DLG2: variants seen among roughly 807,000 people sequenced by gnomAD.
The protein encoded by DLG2 is disks large homolog 2.
A neutral mutation model predicts 132.5 loss-of-function variants in DLG2; 45 were observed. That is an observed-to-expected ratio of 0.34 (90% CI 0.27 to 0.44). The LOEUF is 0.44. DLG2 is among the 20% of genes least tolerant of loss of function. The pLI, the probability that DLG2 is intolerant of heterozygous loss-of-function variation, is 1.00. For synonymous variants in DLG2, 424 were observed against 419.6 expected (o/e 1.01, Z -0.13); for missense variants, 1,045 against 1,196.9 (o/e 0.87, Z 1.87).
intron 8 of DLG2, among the ~76,000 whole-genome samples, chr11:84,168,826 TACACACAC>T (rs145846743): frequency 6.8e-6 from 1 of 147,994 alleles, no homozygotes. Flanking sequence ...CACACACACA[TACACACAC>T]ACACACACAC....
At chr11:84,848,106 C>T (rs909493643) in intron 6 of DLG2, among the ~76,000 whole-genome samples, 3 of 152,066 alleles carry the variant, frequency 2.0e-5, no homozygotes, top group Admixed American at 6.6e-5. Context: ...AGAACTATTC[C>T]CGGAGAGCAC....
chr11:85,068,899 C>T (rs1243862338), intron 6 of DLG2, among the ~76,000 whole-genome samples: 1 of 152,144 alleles, frequency 6.6e-6, no homozygotes, highest in Non-Finnish European at 1.5e-5. Flanking sequence ...TGACTTCAAA[C>T]TATACTACAA....
intron 18 of DLG2, chr11:83,693,221 C>G (rs902609312): frequency 6.6e-6 from 1 of 152,138 alleles, no homozygotes; most frequent in Non-Finnish European, 1.5e-5. Flanking sequence ...AATAAATTCA[C>G]TGTAGATTGG....
chr11:83,725,395 A>G (rs540134143), intron 18 of DLG2: 1 of 154,174 alleles, frequency 6.5e-6, no homozygotes, highest in Non-Finnish European at 1.4e-5. Context: ...TTCACAGCGT[A>G]GTGTTAATTC....
At chr11:83,533,457 C>A (rs890339065) in intron 20 of DLG2, among the ~76,000 whole-genome samples, 1 of 152,160 alleles carries the variant, frequency 6.6e-6, no homozygotes, top group African/African-American at 2.4e-5. Context: ...GTGGTGTAAA[C>A]AAACACAGAA....
chr11:83,675,132 A>G (rs1470322521), intron 18 of DLG2, among the ~76,000 whole-genome samples: 1 of 152,262 alleles, frequency 6.6e-6, no homozygotes, highest in Non-Finnish European at 1.5e-5. Context: ...ACTATTACCA[A>G]GCCCATTAAG....
At chr11:84,786,432 A>C (rs139013196) in intron 6 of DLG2, among the ~76,000 whole-genome samples, 15 of 152,210 alleles carry the variant, frequency 9.9e-5, no homozygotes, top group African/African-American at 3.6e-4. Flanking sequence ...AAAATTATCA[A>C]TTCCAAGCTA....
chr11:83,766,247 C>T (rs974588489), intron 18 of DLG2, among the ~76,000 whole-genome samples: 1 of 151,980 alleles, frequency 6.6e-6, no homozygotes, highest in African/African-American at 2.4e-5. Flanking sequence ...GCACGTGCCA[C>T]CACACCTGGC....
chr11:84,179,935 A>T (rs188286812), intron 8 of DLG2, among the ~76,000 whole-genome samples: 2 of 152,104 alleles, frequency 1.3e-5, no homozygotes, highest in African/African-American at 4.8e-5. Context: ...TTCCTCCCCA[A>T]TACCTTGCCA....
At chr11:84,051,080 T>C (rs1222772700) in intron 11 of DLG2, among the ~76,000 whole-genome samples, 2 of 152,022 alleles carry the variant, frequency 1.3e-5, no homozygotes, top group South Asian at 2.1e-4. Context: ...TGAGATACCA[T>C]CTCACACCAC....
At chr11:85,484,998 T>C (rs1171360321) in intron 3 of DLG2, among the ~76,000 whole-genome samples, 2 of 152,222 alleles carry the variant, frequency 1.3e-5, no homozygotes, top group Non-Finnish European at 2.9e-5. Context: ...GTGGCACACA[T>C]ACACCATGGA....
intron 6 of DLG2, among the ~76,000 whole-genome samples, chr11:84,694,340 G>A (rs972133919): frequency 2.6e-5 from 4 of 151,664 alleles, no homozygotes; most frequent in Non-Finnish European, 4.4e-5. Flanking sequence ...GCACTTGAAC[G>A]AATCAGTTTT....
At chr11:84,397,855 G>A (rs1047043853) in intron 7 of DLG2, among the ~76,000 whole-genome samples, 1 of 152,156 alleles carries the variant, frequency 6.6e-6, no homozygotes, top group African/African-American at 2.4e-5. Flanking sequence ...TTCCTAGATT[G>A]TGTAAGTTGT....
intron 6 of DLG2, among the ~76,000 whole-genome samples, chr11:84,539,947 G>T (rs558209440): frequency 9.7e-4 from 148 of 152,204 alleles, no homozygotes; most frequent in African/African-American, 3.4e-3. Flanking sequence ...GGGAAAGGAT[G>T]CCCTATTTAA....
At chr11:83,718,827 G>T (rs1447476949) in intron 18 of DLG2, among the ~76,000 whole-genome samples, 1 of 152,116 alleles carries the variant, frequency 6.6e-6, no homozygotes, top group African/African-American at 2.4e-5. Flanking sequence ...GGAGCAACTG[G>T]GTTCTAATAC....
At chr11:85,517,025 C>A (rs927417470) in intron 3 of DLG2, among the ~76,000 whole-genome samples, 1 of 151,890 alleles carries the variant, frequency 6.6e-6, no homozygotes, top group Non-Finnish European at 1.5e-5. Flanking sequence ...TAAAAACCCT[C>A]AAAAAATATG....
At chr11:83,679,827 G>A (rs2078428037) in intron 18 of DLG2, among the ~76,000 whole-genome samples, 2 of 152,060 alleles carry the variant, frequency 1.3e-5, no homozygotes, top group African/African-American at 2.4e-5. Context: ...AAGAGTGTGA[G>A]GTGCAGACAA....
At chr11:85,484,659 C>T (rs1480537514) in intron 3 of DLG2, among the ~76,000 whole-genome samples, 1 of 152,102 alleles carries the variant, frequency 6.6e-6, no homozygotes. Flanking sequence ...GAGATACCAC[C>T]TCACGCCAGT....
intron 7 of DLG2, among the ~76,000 whole-genome samples, chr11:84,385,475 T>C (rs2098766105): frequency 6.6e-6 from 1 of 152,150 alleles, no homozygotes; most frequent in African/African-American, 2.4e-5. Flanking sequence ...AGTATTTGAA[T>C]TGAAACATAC....
Sources: gnomAD v4.1 joint callset for allele counts (sites outside exome capture counted in the v4.1 genomes callset) on GRCh38, gnomAD v4.1.1 for gene constraint, MANE v1.5 for transcripts, NCBI Gene and HGNC (gene_info 2026-07-23, HGNC 2026-07-21) for gene names.